RPL11: variants seen among roughly 807,000 people sequenced by gnomAD.
RPL11 encodes large ribosomal subunit protein uL5.
RPL11 carries 3 observed loss-of-function variants against 24.1 expected under a neutral mutation model. The ratio of observed to expected loss-of-function variants is 0.12; its 90% CI spans 0.06 to 0.32. The LOEUF is 0.32. RPL11 is among the 10% of genes least tolerant of loss of function. RPL11 has a pLI of 1.00. For missense variants in RPL11, 146 were observed against 225.7 expected (o/e 0.65, Z 2.26); for synonymous variants, 96 against 75.7 (o/e 1.27, Z -1.39).
chr1:23,695,210 G>A (rs1644526240), intron 4 of RPL11: 1 of 319,260 alleles, frequency 3.1e-6, no homozygotes, highest in South Asian at 2.9e-5. Flanking sequence ...TGCTCAGGAA[G>A]GGGGTTTTAA....
chr1:23,691,989 G>C, intron 1 of RPL11, 160 bp downstream of exon 1: 2 of 973,804 alleles, frequency 2.1e-6, no homozygotes, highest in South Asian at 2.6e-5. Flanking sequence ...ACGCAGGGTT[G>C]AATTCTGTCA....
In RPL11 at chr1:23,696,587, G is replaced by T. The variant is rs1424291235; in HGVS notation, c.*214G>T. On this transcript the variant is annotated 3_prime_UTR_variant, in exon 6 of 6. Coordinates refer to ENST00000643754, the MANE Select transcript of RPL11 (RefSeq NM_000975.5). ...AAGTCCAAGCTTCATAGCATTCATT[G>T]CCTGTGCTTGCCACACCTTGGTTGA... 1 of 616,356 alleles carries T rather than the reference G, an allele frequency of 1.6e-6. No individual in the cohort carries two copies. Among genetic ancestry groups the T allele is most frequent in the Non-Finnish European group, 2.9e-6 (1 of 344,016 alleles). 38.2% of individuals were successfully genotyped at this position (616,356 alleles called of 1,614,324 possible). A position where few individuals can be genotyped will look rare whatever the true frequency, so the allele number is the denominator to read the frequency against.
intron 1 of RPL11, chr1:23,692,040 C>T (rs1205067148): frequency 1.0e-5 from 7 of 672,828 alleles, no homozygotes; most frequent in Non-Finnish European, 1.8e-5. Context: ...CGGGCACTTG[C>T]CCGGAGTGCT....
chr1:23,692,914 T>A (rs1644510444), intron 2 of RPL11, among the ~76,000 whole-genome samples, 155 bp downstream of exon 2: 1 of 152,084 alleles, frequency 6.6e-6, no homozygotes, highest in African/African-American at 2.4e-5. Flanking sequence ...TTTTTTTTTT[T>A]TTATTCAAGA....
intron 1 of RPL11, 197 bp from the exon 2 acceptor site, chr1:23,692,412 G>T: frequency 6.5e-6 from 4 of 617,822 alleles, no homozygotes; most frequent in Admixed American, 2.7e-5. Flanking sequence ...CTCTTCACCC[G>T]TTCCGTTCGT....
intron 4 of RPL11, 106 bp downstream of exon 4, chr1:23,694,897 T>G (rs748192984): frequency 2.4e-5 from 37 of 1,542,362 alleles, no homozygotes; most frequent in Non-Finnish European, 3.3e-5. Flanking sequence ...GCTTTGAATA[T>G]TGTCTGCCTT....
chr1:23,694,988 C>T, intron 4 of RPL11, 197 bp downstream of exon 4: 1 of 776,008 alleles, frequency 1.3e-6, no homozygotes, highest in Non-Finnish European at 2.1e-6. Flanking sequence ...TGGACAAGAT[C>T]CCTGCTGTTG....
At chr1:23,694,820 T>C in intron 4 of RPL11, 29 bp downstream of exon 4, 2 of 1,614,174 alleles carry the variant, frequency 1.2e-6, no homozygotes, top group Non-Finnish European at 8.5e-7. Flanking sequence ...TTCCCGCTCC[T>C]GGTCTGTGAG....
chr1:23,695,637 G>A (rs1644528720), intron 4 of RPL11, 161 bp from the exon 5 acceptor site: 7 of 711,008 alleles, frequency 9.8e-6, no homozygotes, highest in Non-Finnish European at 1.8e-5. Context: ...TGTTGCGTGG[G>A]ATGCTGGTGG....
intron 5 of RPL11, 166 bp downstream of exon 5, chr1:23,696,074 A>T: frequency 1.3e-6 from 1 of 787,310 alleles, no homozygotes; most frequent in Non-Finnish European, 2.2e-6. Context: ...GTTTAAAAGA[A>T]CATCCAGAAC....
Position 23,693,024 on chromosome 1 carries a change from G to A in RPL11, c.157+265G>A, listed in dbSNP as rs142715682. Among the ~76,000 whole-genome samples the A allele has an allele frequency of 9.2e-5, 14 of 152,216 alleles. No homozygotes were observed. In the East Asian group the frequency reaches 1.5e-3, roughly 17 times the overall value. On this transcript the variant is annotated intron_variant, in intron 2 of 5. Coordinates refer to ENST00000643754, the MANE Select transcript of RPL11 (RefSeq NM_000975.5). ...CTAAGTAACTAGGATATGAGATAGA[G>A]TGGAAATGTCAGGAACGAAGTAAAG...
chr1:23,694,544 C>A, intron 3 of RPL11, 116 bp from the exon 4 acceptor site: 1 of 1,434,930 alleles, frequency 7.0e-7, no homozygotes, highest in Non-Finnish European at 9.8e-7. Flanking sequence ...AGCCAAGTTT[C>A]ATTGACTTCT....
At chr1:23,693,694 AGT>A in intron 2 of RPL11, 111 bp from the exon 3 acceptor site, 2 of 742,494 alleles carry the variant, frequency 2.7e-6, no homozygotes, top group South Asian at 1.5e-5. Context: ...AACTTAAAAG[AGT>A]GTGGATGAAT....
chr1:23,692,429 A>C, intron 1 of RPL11, 180 bp from the exon 2 acceptor site: 1 of 676,756 alleles, frequency 1.5e-6, no homozygotes, highest in Admixed American at 2.6e-5. Context: ...TCGTGGAGGA[A>C]GGATAGGTTC....
At chr1:23,694,609 G>A (rs1184250212) in intron 3 of RPL11, 51 bp from the exon 4 acceptor site, 3 of 1,611,682 alleles carry the variant, frequency 1.9e-6, no homozygotes, top group Admixed American at 1.7e-5. Context: ...CTTGGGGGTG[G>A]GAGGGAGTTG....
chr1:23,696,076 A>G (rs902799494), intron 5 of RPL11, 168 bp downstream of exon 5: 25 of 785,994 alleles, frequency 3.2e-5, no homozygotes, highest in Non-Finnish European at 4.8e-5. Flanking sequence ...TTAAAAGAAC[A>G]TCCAGAACTA....
At chr1:23,694,614 G>C (rs1644521968) in intron 3 of RPL11, 46 bp from the exon 4 acceptor site, 1 of 1,612,280 alleles carries the variant, frequency 6.2e-7, no homozygotes, top group Admixed American at 1.7e-5. Context: ...GGGTGGGAGG[G>C]AGTTGAAGAT....
intron 2 of RPL11, 122 bp downstream of exon 2, chr1:23,692,881 T>G: frequency 7.8e-7 from 1 of 1,280,338 alleles, no homozygotes; most frequent in Non-Finnish European, 1.1e-6. Flanking sequence ...ATTAAATTCA[T>G]GAGCCGGCCA....
chr1:23,693,199 T>C (rs1334228263), intron 2 of RPL11, among the ~76,000 whole-genome samples: 1 of 152,164 alleles, frequency 6.6e-6, no homozygotes, highest in Non-Finnish European at 1.5e-5. Flanking sequence ...ATTGCCTGGG[T>C]TTGAGTGATG....
Sources: gnomAD v4.1 joint callset for allele counts (sites outside exome capture counted in the v4.1 genomes callset) on GRCh38, gnomAD v4.1.1 for gene constraint, MANE v1.5 for transcripts, NCBI Gene and HGNC (gene_info 2026-07-23, HGNC 2026-07-21) for gene names.